AP5Z1: variants seen among roughly 807,000 people sequenced by gnomAD.
AP5Z1 encodes the protein AP-5 complex subunit zeta-1.
In AP5Z1, 106 loss-of-function variants were observed where a neutral mutation model predicts 83.0. The observed-to-expected ratio is 1.28, with a 90% CI of 1.09 to 1.50. The LOEUF (loss-of-function observed/expected upper bound fraction) is 1.50. Among genes scored for constraint, AP5Z1 ranks in the 40% most tolerant of loss-of-function variants. The pLI is 0.00. For missense variants in AP5Z1, 1,565 were observed against 1,094.2 expected, an observed-to-expected ratio of 1.43 and a Z score of -6.07; for synonymous variants, 751 against 514.1, an observed-to-expected ratio of 1.46 and a Z score of -6.23.
intron 3 of AP5Z1, among the ~76,000 whole-genome samples, chr7:4,783,022 G>T (rs528810396): frequency 3.2e-4 from 49 of 152,360 alleles, no homozygotes; most frequent in African/African-American, 1.2e-3. Context: ...GGGGTGTCCT[G>T]TGTCTGCGGC....
rs776121164 is a variant in AP5Z1 at position 4,790,890 on chromosome 7, G to C, written c.2153+3G>C. The C allele has an allele frequency of 5.0e-6, 8 of 1,597,014 alleles. No homozygotes were observed. In the South Asian group the frequency reaches 8.0e-5, roughly 16 times the overall value. ...CGGAGCCAAGATCTGATCCCCAGGT[G>C]CCTGGTCAGGGAGGGAGCGAAGCCT... On this transcript the variant is annotated splice_donor_region_variant and intron_variant, in intron 16 of 16. Transcript: ENST00000649063.
chr7:4,786,236 C>A lies in AP5Z1; in HGVS notation c.1133-14C>A. 6.3e-7 allele frequency: 1 copy of A among 1,590,500 alleles called. No homozygotes were observed. Among genetic ancestry groups the A allele is most frequent in the Non-Finnish European group, 8.6e-7 (1 of 1,167,142 alleles). Reference sequence around the variant, plus strand: ...AGGTCAAGACGTGTGCCCTGGCGGGCCCTGGTCTTGCAGGGGAAGCGGCTG... The same window carrying A: ...AGGTCAAGACGTGTGCCCTGGCGGGACCTGGTCTTGCAGGGGAAGCGGCTG... On this transcript the variant is annotated splice_polypyrimidine_tract_variant and intron_variant, in intron 9 of 16. Transcript: ENST00000649063.
intron 14 of AP5Z1, 194 bp downstream of exon 14, chr7:4,790,123 TC>T: frequency 7.1e-7 from 1 of 1,407,398 alleles, no homozygotes; most frequent in South Asian, 1.4e-5. Flanking sequence ...TCAAGAACAT[TC>T]CCGTCCTTCT....
intron 12 of AP5Z1, 57 bp downstream of exon 12, chr7:4,788,351 A>G: frequency 6.6e-7 from 1 of 1,507,174 alleles, no homozygotes; most frequent in African/African-American, 1.4e-5. Flanking sequence ...GGCCACAGCC[A>G]CTGGGGTGGG....
chr7:4,791,622 G>C lies in AP5Z1; in HGVS notation c.*237G>C, dbSNP rs1193197808. Reference sequence around the variant, plus strand: ...CTGAGCTGAGCTGAGGGGTGCCATGGAGCGGCTCTGATTGGAGGCTTGAGG... The same window carrying C: ...CTGAGCTGAGCTGAGGGGTGCCATGCAGCGGCTCTGATTGGAGGCTTGAGG... On this transcript the variant is annotated 3_prime_UTR_variant, in exon 17 of 17. Coordinates refer to ENST00000649063, the MANE Select transcript of AP5Z1 (RefSeq NM_014855.3). 1.7e-6 allele frequency: 1 copy of C among 603,634 alleles called. No homozygotes were observed. The highest frequency in any genetic ancestry group is 2.8e-6 in the Non-Finnish European group (1 of 359,226). The allele number at this position is 603,634 out of a possible 1,614,324, so 37.4% of individuals were successfully genotyped here. A position where few individuals can be genotyped will look rare whatever the true frequency, so the allele number is the denominator to read the frequency against.
At position 4,788,227 on chromosome 7, in the gene AP5Z1, C is replaced by T. The variant is rs374146548; in HGVS notation, c.1528C>T (p.Arg510Trp). ...LRAPSCLEAF[R>W]DPQFQGLFQY... ...GGCCCCCAGCTGCCTGGAGGCCTTC[C>T]GGGACCCGCAGTTCCAGGGTCTTTT... Residue 510 changes from arginine (R) to tryptophan (W), a missense_variant, in exon 12 of 17, where the codon CGG becomes TGG. By Grantham distance (101) the Arg-to-Trp change is moderately radical (BLOSUM62 -3). Transcript: ENST00000649063. 277 of 1,573,770 alleles carry T rather than the reference C, an allele frequency of 1.8e-4. 1 individual carries two copies. The highest frequency in any genetic ancestry group is 1.6e-3 in the African/African-American group (119 of 74,014).
At position 4,790,847 on chromosome 7, in the gene AP5Z1, C is replaced by G. The variant is rs762540035; in HGVS notation, c.2113C>G (p.Leu705Val). 6 of 1,608,272 alleles carry G rather than the reference C, an allele frequency of 3.7e-6. No homozygotes were observed. The highest frequency in any genetic ancestry group is 2.2e-5 in the East Asian group (1 of 44,774). Reference protein sequence around the residue: ...PQVVTVLMTTLTKLASRSQDL... With the variant: ...PQVVTVLMTTVTKLASRSQDL... ...GGTGGTCACCGTGCTGATGACCACG[C>G]TGACGAAGCTGGCCTCCCGGAGCCA... Residue 705 changes from leucine to valine, a missense_variant, in exon 16 of 17, where the codon CTG (leucine) becomes GTG (valine). Leu to Val is a conservative substitution (Grantham distance 32). Coordinates refer to ENST00000649063, the MANE Select transcript of AP5Z1 (RefSeq NM_014855.3).
At chr7:4,789,059 C>G in intron 13 of AP5Z1, 108 bp downstream of exon 13, 1 of 922,166 alleles carries the variant, frequency 1.1e-6, no homozygotes, top group South Asian at 1.6e-5. Context: ...GCTGCTCCCG[C>G]CACACCCACC....
Position 4,784,247 on chromosome 7 carries a change from C to G in AP5Z1, c.666C>G (p.Phe222Leu), listed in dbSNP as rs1011767351. 6.3e-7 allele frequency: 1 copy of G among 1,589,836 alleles called. No homozygotes were observed. Among genetic ancestry groups the G allele is most frequent in the Non-Finnish European group, 8.6e-7 (1 of 1,169,536 alleles). ...TGGACGGGGCGGTAGCCACAGACTT[C>G]TTCACGGTGCTCTCCAGCGGCCACC... Reference protein sequence around the residue: ...TEVDGAVATDFFTVLSSGHRF... With the variant: ...TEVDGAVATDLFTVLSSGHRF... The change falls in exon 6 of 17, where the codon TTC (phenylalanine) becomes TTG (leucine). Residue 222 changes from phenylalanine (F) to leucine (L), a missense_variant. Transcript: ENST00000649063.
intron 1 of AP5Z1, among the ~76,000 whole-genome samples, chr7:4,779,292 TAAC>T (rs1022005664): frequency 2.4e-4 from 36 of 146,946 alleles, no homozygotes; most frequent in South Asian, 2.1e-4. Flanking sequence ...ATAACGCATA[TAAC>T]AACATATATA....
chr7:4,785,504 G>T lies in AP5Z1; in HGVS notation c.970-18G>T. The T allele has an allele frequency of 6.2e-7, 1 of 1,613,400 alleles. No individual in the cohort carries two copies. Among genetic ancestry groups the T allele is most frequent in the East Asian group, 2.2e-5 (1 of 44,876 alleles). ...GAGGCAGCGACTCGGCCCATTTGATGTGGTCCATGTCCCGCAGTGCCTGGT... is the reference window on the plus strand; with the variant it reads ...GAGGCAGCGACTCGGCCCATTTGATTTGGTCCATGTCCCGCAGTGCCTGGT... On this transcript the variant is annotated intron_variant, in intron 8 of 16. Coordinates refer to ENST00000649063, the MANE Select transcript of AP5Z1 (RefSeq NM_014855.3).
Position 4,788,279 on chromosome 7 carries a change from G to GC in AP5Z1, c.1580_1581insC (p.Gly528TrpfsTer4). 1 of 1,591,800 alleles carries GC rather than the reference G, an allele frequency of 6.3e-7. No homozygotes were observed. The highest frequency in any genetic ancestry group is 8.5e-7 in the Non-Finnish European group (1 of 1,170,572). On this transcript the variant is annotated frameshift_variant, in exon 12 of 17. Coordinates refer to ENST00000649063, the MANE Select transcript of AP5Z1 (RefSeq NM_014855.3). LOFTEE classifies it high-confidence loss of function. ...CAATACCTGCTGCGCCCCAAGGCCA[G>GC]TGGCGCCACTGAGAGGTACGGGGCC...
chr7:4,785,452 T>C lies in AP5Z1; in HGVS notation c.969T>C (p.Ala323=). 1 of 1,613,472 alleles carries C rather than the reference T, an allele frequency of 6.2e-7. No individual in the cohort carries two copies. Among genetic ancestry groups the C allele is most frequent in the Non-Finnish European group, 8.5e-7 (1 of 1,179,694 alleles). ...AGGGGGACTCCGACCTGCAGAAAGC[T>C]GTAAGTGGCTGGGGACCAGGGGATG... The part of the protein sequence containing the change: ...LRKGDSDLQK[A]CLVEAVLVLD... Residue 323 remains alanine (A), a splice_region_variant and synonymous_variant, in exon 8 of 17, where the codon GCT becomes GCC. Coordinates refer to ENST00000649063, the MANE Select transcript of AP5Z1 (RefSeq NM_014855.3).
chr7:4,784,370 A>G lies in AP5Z1; in HGVS notation c.789A>G (p.Thr263=). Residue 263 remains threonine, a splice_region_variant and synonymous_variant, in exon 6 of 17, where the codon ACA becomes ACG. Coordinates refer to ENST00000649063, the MANE Select transcript of AP5Z1 (RefSeq NM_014855.3). Reference sequence around the variant, plus strand: ...CCGAGGGCCCGGGCACCCTGGACACAGGTGTGCGGGGTGGGGGGATGACGT... The same window carrying G: ...CCGAGGGCCCGGGCACCCTGGACACGGGTGTGCGGGGTGGGGGGATGACGT... The part of the protein sequence containing the change: ...SGPEGPGTLD[T]DDRSEQEGST... 7.6e-7 allele frequency: 1 copy of G among 1,320,420 alleles called. No homozygotes were observed. Among genetic ancestry groups the G allele is most frequent in the Non-Finnish European group, 1.0e-6 (1 of 983,468 alleles). 81.8% of individuals were successfully genotyped at this position (1,320,420 alleles called of 1,614,324 possible).
Position 4,781,579 on chromosome 7 carries a change from C to A in AP5Z1, c.191C>A (p.Thr64Lys). The A allele has an allele frequency of 6.2e-7, 1 of 1,607,046 alleles. No individual in the cohort carries two copies. The highest frequency in any genetic ancestry group is 8.5e-7 in the Non-Finnish European group (1 of 1,175,218). The change falls in exon 3 of 17, where the codon ACA becomes AAA. Residue 64 changes from threonine (T) to lysine (K), a missense_variant. Coordinates refer to ENST00000649063, the MANE Select transcript of AP5Z1 (RefSeq NM_014855.3). ...ATKYSRRLEK[T>K]CVDLLQATLG... ...ATCTCGCCTTCCAGGCTGGAGAAGA[C>A]ATGCGTAGACCTGCTGCAGGCCACC...
At chr7:4,787,280 C>T (rs1781577041) in intron 10 of AP5Z1, among the ~76,000 whole-genome samples, 1 of 151,834 alleles carries the variant, frequency 6.6e-6, no homozygotes, top group Admixed American at 6.6e-5. Flanking sequence ...ATCTTGAGGC[C>T]AGGAGTTCAA....
At chr7:4,790,176 C>A in intron 14 of AP5Z1, 1 of 1,532,548 alleles carries the variant, frequency 6.5e-7, no homozygotes, top group East Asian at 2.4e-5. Flanking sequence ...TCAGGTCCCT[C>A]TTCCCCGTCT....
At chr7:4,779,328 TATATG>T (rs1173168776) in intron 1 of AP5Z1, among the ~76,000 whole-genome samples, 2 of 147,626 alleles carry the variant, frequency 1.4e-5, no homozygotes, top group East Asian at 3.9e-4. Context: ...TAACACGTTA[TATATG>T]ATATATAACA....
Position 4,787,724 on chromosome 7 carries a change from C to A in AP5Z1, c.1402C>A (p.His468Asn). ...VDAGTALEML[H>N]ALLDLPCLTA... ...CGCTGGCACAGCCCTGGAGATGCTG[C>A]ACGCGCTGCTGGACCTGCCCTGCTT... The change falls in exon 11 of 17, where the codon CAC becomes AAC. Residue 468 changes from histidine to asparagine, a missense_variant. By Grantham distance (68) the His-to-Asn change is moderately conservative (BLOSUM62 1). Coordinates refer to ENST00000649063, the MANE Select transcript of AP5Z1 (RefSeq NM_014855.3). 6.5e-7 allele frequency: 1 copy of A among 1,549,264 alleles called. No homozygotes were observed. Among genetic ancestry groups the A allele is most frequent in the South Asian group, 1.2e-5 (1 of 84,240 alleles).
Sources: allele counts gnomAD v4.1 joint callset (sites outside exome capture counted in the v4.1 genomes callset), GRCh38; gene constraint gnomAD v4.1.1; transcripts MANE v1.5; gene names NCBI Gene and HGNC (gene_info 2026-07-23, HGNC 2026-07-21).